Variants in TUBGCP2 observed in about 807,000 individuals in gnomAD.
TUBGCP2 encodes gamma-tubulin complex component 2.
A neutral mutation model predicts 92.2 loss-of-function variants in TUBGCP2; 55 were observed. The observed-to-expected ratio is 0.60, with a 90% CI of 0.48 to 0.75. The LOEUF (loss-of-function observed/expected upper bound fraction) is 0.75, where lower values mean the gene tolerates loss of function less well. TUBGCP2 is among the 30% of genes least tolerant of loss of function. TUBGCP2 has a pLI of 0.00. For missense variants in TUBGCP2, 1,093 were observed against 1,188.9 expected, an observed-to-expected ratio of 0.92 and a Z score of 1.19; for synonymous variants, 533 against 505.2, an observed-to-expected ratio of 1.06 and a Z score of -0.74.
chr10:133,289,095 G>A (rs566419547), intron 9 of TUBGCP2, 75 bp from the exon 10 acceptor site: 108 of 1,519,560 alleles, frequency 7.1e-5, no homozygotes, highest in Non-Finnish European at 8.9e-5. Flanking sequence ...GTCTACACAG[G>A]AGGCAGTGGA....
chr10:133,284,278 C>T (rs1236372946), intron 13 of TUBGCP2, among the ~76,000 whole-genome samples: 3 of 152,236 alleles, frequency 2.0e-5, no homozygotes, highest in South Asian at 2.1e-4. Flanking sequence ...CCTTGGTGGA[C>T]GGACCCCTCG....
intron 5 of TUBGCP2, among the ~76,000 whole-genome samples, chr10:133,296,168 C>T (rs1263260517): frequency 6.6e-6 from 1 of 152,242 alleles, no homozygotes; most frequent in Non-Finnish European, 1.5e-5. Context: ...GGCGCCGCAG[C>T]GTTACTGGAC....
upstream of TUBGCP2, among the ~76,000 whole-genome samples, chr10:133,311,422 TAAA>T (rs748832130): frequency 4.6e-4 from 70 of 152,286 alleles, no homozygotes; most frequent in Non-Finnish European, 9.0e-4. Context: ...CTCACACTCA[TAAA>T]AAGACCCGTG....
At chr10:133,306,472 G>A (rs1847820182) in intron 1 of TUBGCP2, among the ~76,000 whole-genome samples, 1 of 152,172 alleles carries the variant, frequency 6.6e-6, no homozygotes, top group Admixed American at 6.5e-5. Context: ...TACCTATGAA[G>A]AAAAATCATC....
At position 133,285,326 on chromosome 10, in the gene TUBGCP2, T is replaced by TGAATCTCC. The variant is rs751361846; in HGVS notation, c.1896-114_1896-113insGGAGATTC. On this transcript the variant is annotated intron_variant, in intron 12 of 17. Coordinates refer to ENST00000252936, the MANE Select transcript of TUBGCP2 (RefSeq NM_006659.4). This position sits in a 1 kb window ranked among gnomAD's most constrained non-coding sequence, Gnocchi z 6.8. ...GGCCCCCGGACAGCCCGTGAATCTC[T>TGAATCTCC]CGGACACTGAAGGCCGGGGAGAGCC... is the stretch of plus-strand genomic sequence containing the variant. The TGAATCTCC allele has an allele frequency of 2.5e-6, 4 of 1,588,584 alleles. No homozygotes were observed. The South Asian group carries it at 4.5e-5, about 18-fold the overall frequency.
chr10:133,283,732 TGCCTCTCCTGCA>T, intron 14 of TUBGCP2, 138 bp downstream of exon 14: 1 of 1,067,184 alleles, frequency 9.4e-7, no homozygotes, highest in Non-Finnish European at 1.3e-6. Flanking sequence ...CCGCACTCCC[TGCCTCTCCTGCA>T]CTCCCTGCGT....
chr10:133,310,262 G>C, upstream of TUBGCP2: 1 of 1,614,028 alleles, frequency 6.2e-7, no homozygotes, highest in South Asian at 1.1e-5. Flanking sequence ...CGGACTTCCG[G>C]TTTGATAAGC....
chr10:133,293,324 G>A, intron 6 of TUBGCP2, 86 bp from the exon 7 acceptor site: 1 of 1,487,664 alleles, frequency 6.7e-7, no homozygotes, highest in Admixed American at 1.7e-5. Flanking sequence ...TCCCAAACAG[G>A]AAGCAAATGA....
chr10:133,289,635 C>G (rs1017993209), intron 9 of TUBGCP2, among the ~76,000 whole-genome samples, 189 bp downstream of exon 9: 24 of 152,316 alleles, frequency 1.6e-4, no homozygotes, highest in African/African-American at 5.8e-4. Flanking sequence ...GAGACCATCT[C>G]AAGGCCTAAC....
At chr10:133,310,268 T>C (rs1847960048), upstream of TUBGCP2, 1 of 1,614,002 alleles carries the variant, frequency 6.2e-7, no homozygotes, top group Non-Finnish European at 8.5e-7. Flanking sequence ...TCCGGTTTGA[T>C]AAGCCAAAGA....
intron 11 of TUBGCP2, 81 bp downstream of exon 11, chr10:133,288,048 A>G: frequency 6.7e-7 from 1 of 1,489,552 alleles, no homozygotes; most frequent in South Asian, 1.3e-5. Flanking sequence ...AGTGGGGGAC[A>G]GGGCTGGCCT....
intron 1 of TUBGCP2, among the ~76,000 whole-genome samples, chr10:133,307,524 A>G (rs1055274679): frequency 6.6e-6 from 1 of 152,276 alleles, no homozygotes; most frequent in African/African-American, 2.4e-5. Context: ...AAGTACAGTC[A>G]TGCATCACTC....
At chr10:133,292,925 G>GC (rs1847395040) in intron 7 of TUBGCP2, 114 bp downstream of exon 7, 1 of 1,264,904 alleles carries the variant, frequency 7.9e-7, no homozygotes, top group Admixed American at 2.4e-5. Context: ...TTGGCCACAC[G>GC]CCCCTGCCCT....
Position 133,292,688 on chromosome 10 carries a change from G to C in TUBGCP2, c.1025C>G (p.Ala342Gly), listed in dbSNP as rs1847387170. 1 of 1,611,796 alleles carries C rather than the reference G, an allele frequency of 6.2e-7. No homozygotes were observed. Among genetic ancestry groups the C allele is most frequent in the Admixed American group, 1.7e-5 (1 of 59,862 alleles). ...MRTMDILASL[A>G]TSVDKGECLG... ...ACATTCGCCTTTGTCCACCGAGGTG[G>C]CTGTGGGGAGAAAGGAGGGCTCACT... Residue 342 changes from alanine to glycine, a missense_variant and splice_region_variant, in exon 8 of 18, where the codon GCC becomes GGC. This residue lies in a region of TUBGCP2 where 490 missense variants were observed against 488.5 expected (regional missense o/e 1.00). Transcript: ENST00000252936.
Position 133,285,541 on chromosome 10 carries a change from C to A in TUBGCP2, c.1810G>T (p.Asp604Tyr), listed in dbSNP as rs765780811. 1 of 1,591,484 alleles carries A rather than the reference C, an allele frequency of 6.3e-7. No individual in the cohort carries two copies. Among genetic ancestry groups the A allele is most frequent in the Non-Finnish European group, 8.6e-7 (1 of 1,166,082 alleles). Residue 604 changes from aspartate to tyrosine, a missense_variant, in exon 12 of 18, where the codon GAC (aspartate) becomes TAC (tyrosine). Asp to Tyr is a radical substitution (Grantham distance 160). Coordinates refer to ENST00000252936, the MANE Select transcript of TUBGCP2 (RefSeq NM_006659.4). The surrounding 1 kb of genome is among the most constrained non-coding windows in gnomAD (Gnocchi z 6.8). ...CCGCTCAGCGCCAGCTCCGTGGGGT[C>A]GGCGTGCGCCATCGCCTTCTCCTGC... ...TKQEKAMAHA[D>Y]PTELALSGLE... is the part of the protein sequence containing the mutation.
Position 133,293,735 on chromosome 10 carries a change from C to A in TUBGCP2, c.651G>T (p.Val217=). The A allele has an allele frequency of 6.2e-7, 1 of 1,600,850 alleles. No homozygotes were observed. Among genetic ancestry groups the A allele is most frequent in the Admixed American group, 1.7e-5 (1 of 58,062 alleles). The change falls in exon 6 of 18, where the codon GTG becomes GTT. Residue 217 remains valine (V), a synonymous_variant. Transcript: ENST00000252936. ...TLPLASQESA[V]VEDLLYVLVG... is the part of the protein sequence containing the mutation. ...CCAGCACGTACAGCAGGTCCTCCAC[C>A]ACGGCCGACTCCTGCGAGGCCAGGG...
chr10:133,281,480 G>A (rs757451080), intron 16 of TUBGCP2, 44 bp from the exon 17 acceptor site: 24 of 1,597,760 alleles, frequency 1.5e-5, no homozygotes, highest in East Asian at 8.9e-5. Context: ...CACCCCCACC[G>A]TGGGCCTTCT....
chr10:133,291,219 C>G (rs1339579572), intron 8 of TUBGCP2, among the ~76,000 whole-genome samples: 2 of 150,874 alleles, frequency 1.3e-5, no homozygotes, highest in Non-Finnish European at 3.0e-5. Context: ...CCAGAGCCCC[C>G]AGAGAGGGCA....
chr10:133,298,222 C>T, intron 4 of TUBGCP2, 111 bp from the exon 5 acceptor site: 1 of 1,176,916 alleles, frequency 8.5e-7, no homozygotes, highest in Non-Finnish European at 1.2e-6. Flanking sequence ...TTACTCAATT[C>T]AACACCCACA....
Sources: allele counts gnomAD v4.1 joint callset (sites outside exome capture counted in the v4.1 genomes callset), GRCh38; gene constraint gnomAD v4.1.1; regional missense constraint gnomAD v4.1.1; non-coding constraint Gnocchi (gnomAD v3.1); transcripts MANE v1.5; gene names NCBI Gene and HGNC (gene_info 2026-07-23, HGNC 2026-07-21).